Variants in MKLN1 observed in about 807,000 individuals in gnomAD.
MKLN1 encodes the protein muskelin 1, also known as muskelin.
In MKLN1, 18 loss-of-function variants were observed where a neutral mutation model predicts 99.0. That is an observed-to-expected ratio of 0.18 (90% confidence interval 0.13 to 0.27). The LOEUF (loss-of-function observed/expected upper bound fraction) is 0.27, where lower values mean the gene tolerates loss of function less well. MKLN1 is among the 10% of genes least tolerant of loss of function. MKLN1 has a pLI of 1.00. For synonymous variants in MKLN1, 288 were observed against 293.2 expected (o/e 0.98, Z 0.18); for missense variants, 621 against 875.9 (o/e 0.71, Z 3.67).
chr7:131,424,609 ACTG>A lies in MKLN1; in HGVS notation c.848-4423_848-4421del, dbSNP rs3839670. 1.9e-3 allele frequency among the ~76,000 whole-genome samples: 280 copies of A among 150,902 alleles called. No homozygotes were observed. The East Asian group carries it at 0.023, about 12-fold the overall frequency. On this transcript the variant is annotated intron_variant, in intron 8 of 17. Transcript: ENST00000352689. ...CATATAAGATGTGTAGATTGGTACT[ACTG>A]GTAGTCGGTAGCTCCAGGGTTTGTT...
chr7:131,445,936 C>A, intron 12 of MKLN1, 33 bp downstream of exon 12: 1 of 1,486,932 alleles, frequency 6.7e-7, no homozygotes, highest in Non-Finnish European at 9.1e-7. Flanking sequence ...TCTCTCATGT[C>A]TTAACTACTT....
intron 2 of MKLN1, among the ~76,000 whole-genome samples, chr7:131,195,684 G>A (rs1033902061): frequency 1.3e-5 from 2 of 152,088 alleles, no homozygotes; most frequent in East Asian, 1.9e-4. Context: ...TGGGCCCGGT[G>A]GCTCACGCCT....
At chr7:131,242,716 T>G (rs930298273) in intron 3 of MKLN1, 9 of 685,076 alleles carry the variant, frequency 1.3e-5, no homozygotes, top group Non-Finnish European at 2.5e-5. Flanking sequence ...AGCCATGCTC[T>G]GGTGGCTGGA....
chr7:131,208,011 A>AG (rs1796845257), intron 3 of MKLN1, among the ~76,000 whole-genome samples: 1 of 152,120 alleles, frequency 6.6e-6, no homozygotes, highest in Admixed American at 6.6e-5. Flanking sequence ...AAATGGAGGG[A>AG]GGGGGGAGAT....
intron 3 of MKLN1, among the ~76,000 whole-genome samples, chr7:131,281,727 G>T (rs1798055447): frequency 6.6e-6 from 1 of 151,648 alleles, no homozygotes; most frequent in Admixed American, 6.6e-5. Context: ...TGTCACCCAG[G>T]GTGGAGCGCA....
Position 131,429,111 on chromosome 7 carries a change from A to G in MKLN1, c.926A>G (p.Gln309Arg), listed in dbSNP as rs1319205089. ...DFWAYSVKEN[Q>R]WTCISRDTEK... ...TGGGCGTACAGTGTGAAGGAGAACC[A>G]GTGGACATGTATCTCTAGAGACACT... The change falls in exon 9 of 18, where the codon CAG (glutamine) becomes CGG (arginine). Residue 309 changes from glutamine (Q) to arginine (R), a missense_variant. Physicochemically the swap from Gln to Arg is conservative, Grantham distance 43 (BLOSUM62 1). This residue lies in a region of MKLN1 where 361 missense variants were observed against 540.8 expected (regional missense o/e 0.67). Coordinates refer to ENST00000352689, the MANE Select transcript of MKLN1 (RefSeq NM_013255.5). 4 of 1,613,914 alleles carry G rather than the reference A, an allele frequency of 2.5e-6. No homozygotes were observed. Among genetic ancestry groups the G allele is most frequent in the Non-Finnish European group, 3.4e-6 (4 of 1,179,832 alleles).
At chr7:131,483,750 GA>G (rs1797189926) in intron 17 of MKLN1, among the ~76,000 whole-genome samples, 1 of 152,232 alleles carries the variant, frequency 6.6e-6, no homozygotes, top group African/African-American at 2.4e-5. Context: ...TGGATAGTAA[GA>G]GCTGAAACTA....
At chr7:131,143,573 C>T (rs955608686) in intron 2 of MKLN1, among the ~76,000 whole-genome samples, 1 of 152,134 alleles carries the variant, frequency 6.6e-6, no homozygotes, top group Non-Finnish European at 1.5e-5. Flanking sequence ...TGCGTGTAAT[C>T]CTAGTGTTTT....
intron 1 of MKLN1, among the ~76,000 whole-genome samples, chr7:131,134,221 T>C (rs1425279950): frequency 6.6e-6 from 1 of 152,130 alleles, no homozygotes; most frequent in East Asian, 1.9e-4. Flanking sequence ...GAGAAAGCTG[T>C]TGATCATTTT....
chr7:131,417,900 C>T lies in MKLN1; in HGVS notation c.847+3190C>T, dbSNP rs1056212591. On this transcript the variant is annotated intron_variant, in intron 8 of 17. Coordinates refer to ENST00000352689, the MANE Select transcript of MKLN1 (RefSeq NM_013255.5). Reference sequence around the variant, plus strand: ...TTAAAATGTATTTTTAAAATTTCTACTTAATTATAAGTTGGAGAAAATTTT... The same window carrying T: ...TTAAAATGTATTTTTAAAATTTCTATTTAATTATAAGTTGGAGAAAATTTT... Among the ~76,000 whole-genome samples the T allele has an allele frequency of 2.0e-5, 3 of 151,996 alleles. No homozygotes were observed. In the East Asian group the frequency reaches 5.8e-4, roughly 29 times the overall value.
chr7:131,345,155 A>T (rs781594485), intron 1 of MKLN1, among the ~76,000 whole-genome samples: 20 of 152,322 alleles, frequency 1.3e-4, no homozygotes, highest in Non-Finnish European at 2.5e-4. Flanking sequence ...GATTTTTGGC[A>T]TGTAATTTGG....
chr7:131,414,496 GT>G, intron 7 of MKLN1, 148 bp from the exon 8 acceptor site: 1 of 487,700 alleles, frequency 2.1e-6, no homozygotes. Flanking sequence ...GAGTCATACT[GT>G]TACTTTTATG....
chr7:131,403,560 A>G (rs1794615513), intron 6 of MKLN1, among the ~76,000 whole-genome samples: 1 of 152,146 alleles, frequency 6.6e-6, no homozygotes, highest in South Asian at 2.1e-4. Context: ...GGCCTTTGAC[A>G]TGCCTTCCTC....
intron 2 of MKLN1, among the ~76,000 whole-genome samples, chr7:131,382,867 G>C (rs1271414897): frequency 6.6e-6 from 1 of 151,886 alleles, no homozygotes. Context: ...GGGACTACAG[G>C]TGCCCACCAC....
chr7:131,274,914 T>A (rs1296868605), intron 3 of MKLN1, among the ~76,000 whole-genome samples: 1 of 152,192 alleles, frequency 6.6e-6, no homozygotes, highest in Non-Finnish European at 1.5e-5. Context: ...GACACACAGT[T>A]GTCTTTTAAA....
intron 8 of MKLN1, among the ~76,000 whole-genome samples, chr7:131,422,964 C>G (rs2116396303): frequency 6.6e-6 from 1 of 152,310 alleles, no homozygotes; most frequent in African/African-American, 2.4e-5. Flanking sequence ...CACCTCTCCA[C>G]TTAAGATTCT....
intron 3 of MKLN1, chr7:131,310,853 C>T (rs1798551950): frequency 6.6e-6 from 1 of 152,086 alleles, no homozygotes. Context: ...TGAATAGTTT[C>T]CAAATTTTGG....
intron 9 of MKLN1, among the ~76,000 whole-genome samples, chr7:131,432,329 AT>A (rs976691514): frequency 2.0e-5 from 3 of 152,120 alleles, no homozygotes; most frequent in Non-Finnish European, 2.9e-5. Flanking sequence ...TCATTCCGTT[AT>A]TTTTTTATAC....
At chr7:131,470,730 T>A (rs1796795545) in intron 15 of MKLN1, 112 bp from the exon 16 acceptor site, 2 of 711,518 alleles carry the variant, frequency 2.8e-6, no homozygotes, top group Non-Finnish European at 4.8e-6. Flanking sequence ...TTTCTAAATA[T>A]CCAGAACAAC....
Sources: gnomAD v4.1 joint callset for allele counts (sites outside exome capture counted in the v4.1 genomes callset) on GRCh38, gnomAD v4.1.1 for gene constraint, gnomAD v4.1.1 regional missense constraint, MANE v1.5 for transcripts, NCBI Gene and HGNC (gene_info 2026-07-23, HGNC 2026-07-21) for gene names.